Variants in NHSL1 observed in about 807,000 individuals in gnomAD.
NHSL1 encodes NHS-like protein 1.
A neutral mutation model predicts 95.0 loss-of-function variants in NHSL1; 48 were observed. That is an observed-to-expected ratio of 0.51 (90% confidence interval 0.40 to 0.64). NHSL1 has a LOEUF of 0.64. Ranked by LOEUF, NHSL1 falls within the 30% of genes least tolerant of loss-of-function variation. The pLI, the probability that NHSL1 is intolerant of heterozygous loss-of-function variation, is 0.00. For synonymous variants in NHSL1, 783 were observed against 833.9 expected (o/e 0.94, Z 1.05); for missense variants, 1,971 against 2,077.7 (o/e 0.95, Z 1.00).
exon 1 of NHSL1, chr6:138,571,966 G>T (rs1471669119): frequency 1.0e-5 from 15 of 1,475,500 alleles, no homozygotes; most frequent in Admixed American, 2.0e-5. Context: ...AAAACGCTGG[G>T]TTTTTTGCGT....
intron 1 of NHSL1, among the ~76,000 whole-genome samples, chr6:138,637,078 A>C (rs148709876): frequency 1.6e-3 from 238 of 152,304 alleles, no homozygotes; most frequent in African/African-American, 5.4e-3. Flanking sequence ...AGAATAGAGA[A>C]ACCAGAAACA....
rs917511307 is a variant in NHSL1, at chr6:138,432,164, G to A, written c.2181C>T (p.Asp727=). ...AGCGGGGCAGCCAGGGCTCTTCCAAGTCACTGCAGGGGCTCTGGGAGGGCG... is the reference window on the plus strand; with the variant it reads ...AGCGGGGCAGCCAGGGCTCTTCCAAATCACTGCAGGGGCTCTGGGAGGGCG... ...GSSPSQSPCS[D]LEEPWLPRSR... Residue 727 remains aspartate, a synonymous_variant, in exon 6 of 8, where the codon GAC becomes GAT. Transcript: ENST00000343505. This position sits in a 1 kb window ranked among gnomAD's most constrained non-coding sequence, Gnocchi z 4.4. The A allele has an allele frequency of 9.0e-6, 14 of 1,547,874 alleles. No homozygotes were observed. In the African/African-American group the frequency reaches 1.5e-4, roughly 17 times the overall value.
In NHSL1 at chr6:138,654,521, A is replaced by T. The variant is rs112155514; in HGVS notation, c.96+37955T>A. Among the ~76,000 whole-genome samples, 362 of 152,304 alleles carry T rather than the reference A, an allele frequency of 2.4e-3. 5 individuals are homozygous for T. Among genetic ancestry groups the T allele is most frequent in the African/African-American group, 8.1e-3 (338 of 41,572 alleles). On this transcript the variant is annotated intron_variant, in intron 1 of 3. Transcript: ENST00000491526. ...TACTTAAGGTACAATCATATTTTTT[A>T]AATTATTTTAATTTTTTTAAAGAAA... is the stretch of plus-strand genomic sequence containing the variant.
At chr6:138,654,837 G>A (rs990535454) in intron 1 of NHSL1, among the ~76,000 whole-genome samples, 1 of 152,154 alleles carries the variant, frequency 6.6e-6, no homozygotes, top group African/African-American at 2.4e-5. Context: ...GCCAGTTGCA[G>A]AACAATACAT....
At chr6:138,682,138 T>C (rs910348841) in intron 1 of NHSL1, among the ~76,000 whole-genome samples, 1 of 152,152 alleles carries the variant, frequency 6.6e-6, no homozygotes, top group South Asian at 2.1e-4. Flanking sequence ...CAAGCCTAGT[T>C]AATTTTTGTA....
intron 1 of NHSL1, among the ~76,000 whole-genome samples, chr6:138,605,794 A>G (rs898476210): frequency 6.6e-6 from 1 of 152,214 alleles, no homozygotes; most frequent in African/African-American, 2.4e-5. Context: ...GTCTCTGCTG[A>G]AGGGAACTAC....
At chr6:138,490,499 A>G (rs941742183) in intron 2 of NHSL1, among the ~76,000 whole-genome samples, 1 of 152,228 alleles carries the variant, frequency 6.6e-6, no homozygotes, top group Non-Finnish European at 1.5e-5. Flanking sequence ...ATACTTGTCT[A>G]CACCAAAAGG....
At chr6:138,469,419 C>T (rs1230744711) in intron 3 of NHSL1, among the ~76,000 whole-genome samples, 1 of 152,118 alleles carries the variant, frequency 6.6e-6, no homozygotes, top group Admixed American at 6.6e-5. Context: ...GACTTGTTAA[C>T]TTTATATAGT....
intron 3 of NHSL1, among the ~76,000 whole-genome samples, chr6:138,470,349 G>A (rs1583244082): frequency 6.6e-6 from 1 of 152,058 alleles, no homozygotes. Context: ...GAGTGCAGTG[G>A]TGCAAACACG....
chr6:138,634,759 G>A (rs544725315), intron 1 of NHSL1, among the ~76,000 whole-genome samples: 3 of 151,304 alleles, frequency 2.0e-5, no homozygotes, highest in East Asian at 3.9e-4. Flanking sequence ...TTTCCTTATC[G>A]CATGGATCAT....
intron 1 of NHSL1, among the ~76,000 whole-genome samples, chr6:138,568,940 T>C (rs1267121260): frequency 6.6e-6 from 1 of 152,200 alleles, no homozygotes; most frequent in African/African-American, 2.4e-5. Flanking sequence ...CAATCCAGCA[T>C]AGAAATTCCC....
chr6:138,480,081 A>C (rs1000171949), intron 2 of NHSL1, among the ~76,000 whole-genome samples: 5 of 152,194 alleles, frequency 3.3e-5, no homozygotes, highest in African/African-American at 1.2e-4. Flanking sequence ...AAAAGTAAGA[A>C]GTTTGTTGAC....
chr6:138,559,558 GT>G (rs1236289569), intron 1 of NHSL1, among the ~76,000 whole-genome samples: 1 of 152,156 alleles, frequency 6.6e-6, no homozygotes, highest in Non-Finnish European at 1.5e-5. Context: ...ACTCTACACT[GT>G]TTCTCAAAGT....
chr6:138,503,324 C>A (rs574177216), upstream of NHSL1, among the ~76,000 whole-genome samples: 1 of 152,262 alleles, frequency 6.6e-6, no homozygotes, highest in Admixed American at 6.5e-5. Context: ...GTCCTTAAGC[C>A]TTTGTCCTAT....
chr6:138,491,605 C>T (rs1265982982), intron 2 of NHSL1, among the ~76,000 whole-genome samples: 1 of 152,208 alleles, frequency 6.6e-6, no homozygotes, highest in African/African-American at 2.4e-5. Flanking sequence ...GGGTAGACTT[C>T]TTCTGGAAAC....
upstream of NHSL1, among the ~76,000 whole-genome samples, chr6:138,500,353 G>T (rs1309670551): frequency 1.3e-5 from 2 of 152,070 alleles, no homozygotes; most frequent in Admixed American, 6.6e-5. Context: ...TAGAGACAGA[G>T]AAATCAGAAA....
chr6:138,596,082 G>A (rs1784299770), intron 1 of NHSL1, among the ~76,000 whole-genome samples: 1 of 152,136 alleles, frequency 6.6e-6, no homozygotes, highest in African/African-American at 2.4e-5. Flanking sequence ...CTTATGCAAA[G>A]GAAAAGGCAT....
intron 1 of NHSL1, among the ~76,000 whole-genome samples, chr6:138,688,914 G>A (rs552725338): frequency 2.6e-5 from 4 of 152,250 alleles, no homozygotes; most frequent in Admixed American, 6.5e-5. Context: ...TAATTGTCTC[G>A]ATCACTTACA....
intron 1 of NHSL1, among the ~76,000 whole-genome samples, chr6:138,559,131 A>G (rs999812163): frequency 6.6e-6 from 1 of 152,216 alleles, no homozygotes; most frequent in African/African-American, 2.4e-5. Context: ...TGCTACATAC[A>G]GGCTAGAATC....
Sources: gnomAD v4.1 joint callset for allele counts (sites outside exome capture counted in the v4.1 genomes callset) on GRCh38, gnomAD v4.1.1 for gene constraint, Gnocchi (gnomAD v3.1) non-coding constraint, MANE v1.5 for transcripts, NCBI Gene and HGNC (gene_info 2026-07-23, HGNC 2026-07-21) for gene names.